The following RIPOR3 variants were observed in gnomAD, a reference collection of about 807,000 sequenced individuals.
RIPOR3 encodes RIPOR family member 3.
A neutral mutation model predicts 114.3 loss-of-function variants in RIPOR3; 95 were observed. That is an observed-to-expected ratio of 0.83 (90% CI 0.70 to 0.99). RIPOR3 has a LOEUF of 0.99. Ranked by LOEUF, RIPOR3 falls within the 50% of genes least tolerant of loss-of-function variation. RIPOR3 has a pLI of 0.00. For missense variants in RIPOR3, 1,252 were observed against 1,266.9 expected, an observed-to-expected ratio of 0.99 and a Z score of 0.18; for synonymous variants, 575 against 543.8, an observed-to-expected ratio of 1.06 and a Z score of -0.80.
At chr20:50,675,925 G>T (rs961814442) in intron 1 of RIPOR3, among the ~76,000 whole-genome samples, 1 of 152,180 alleles carries the variant, frequency 6.6e-6, no homozygotes, top group African/African-American at 2.4e-5. Context: ...GAGCCCTCTG[G>T]CCCCTTAAAT....
chr20:50,665,183 T>C (rs2086141019), intron 1 of RIPOR3, among the ~76,000 whole-genome samples: 1 of 151,288 alleles, frequency 6.6e-6, no homozygotes, highest in African/African-American at 2.4e-5. Flanking sequence ...ACGCCTGTAA[T>C]CCCAGCCTTT....
At chr20:50,667,738 ATTG>A (rs1353943749) in intron 1 of RIPOR3, among the ~76,000 whole-genome samples, 1 of 152,108 alleles carries the variant, frequency 6.6e-6, no homozygotes, top group Non-Finnish European at 1.5e-5. Flanking sequence ...CCTAGAGCAA[ATTG>A]TTTTCTTCTC....
chr20:50,672,005 GAT>G (rs2086525622), intron 1 of RIPOR3, among the ~76,000 whole-genome samples: 1 of 147,732 alleles, frequency 6.8e-6, no homozygotes, highest in Non-Finnish European at 1.5e-5. Context: ...TGGATGGATG[GAT>G]GGATGGATGG....
rs1416386469 is a variant in RIPOR3, at chr20:50,691,148, G to T, written c.-20C>A. The T allele has an allele frequency of 7.8e-7, 1 of 1,289,442 alleles. No individual in the cohort carries two copies. The highest frequency in any genetic ancestry group is 5.5e-5 in the East Asian group (1 of 18,020). 79.9% of individuals were successfully genotyped at this position (1,289,442 alleles called of 1,614,324 possible). ...CACCATCGAGCAGGTCTGGACACTCGAGTGCAGTCCCGCCGCCCTCCTTGC... is the reference window on the plus strand; with the variant it reads ...CACCATCGAGCAGGTCTGGACACTCTAGTGCAGTCCCGCCGCCCTCCTTGC... On this transcript the variant is annotated 5_prime_UTR_variant, in exon 1 of 22. Transcript: ENST00000327979.
intron 1 of RIPOR3, among the ~76,000 whole-genome samples, chr20:50,648,815 C>T (rs7266048): frequency 0.021 from 3,169 of 152,226 alleles, 116 homozygotes; most frequent in African/African-American, 0.073. Context: ...AACGCCTCCA[C>T]TGATCAGACA....
At chr20:50,652,206 G>T (rs2085635660) in intron 1 of RIPOR3, among the ~76,000 whole-genome samples, 4 of 152,188 alleles carry the variant, frequency 2.6e-5, no homozygotes. Flanking sequence ...CAGTCTCCCA[G>T]TTCTGTCCCT....
rs1316875888 is a variant in RIPOR3, at chr20:50,609,971, GCCACCCCTA to G, written c.427-258_427-250del. Among the ~76,000 whole-genome samples, 285 of 142,210 alleles carry G rather than the reference GCCACCCCTA, an allele frequency of 2.0e-3. 4 individuals carry two copies. Among genetic ancestry groups the G allele is most frequent in the African/African-American group, 6.5e-3 (241 of 36,908 alleles). 93.3% of individuals were successfully genotyped at this position (142,210 alleles called of 152,430 possible). ...CTCACCTGCCACCACTGCCTCACCT[GCCACCCCTA>G]CCACCCCTGCCTCACCTGCCACCCC... On this transcript the variant is annotated intron_variant, in intron 6 of 21. Transcript: ENST00000327979.
chr20:50,640,983 C>T (rs1239077702), intron 1 of RIPOR3, among the ~76,000 whole-genome samples: 6 of 150,168 alleles, frequency 4.0e-5, no homozygotes, highest in African/African-American at 1.2e-4. Context: ...AATCTCGGCT[C>T]ACCGCAACAT....
At chr20:50,686,340 G>C (rs761439165) in intron 1 of RIPOR3, among the ~76,000 whole-genome samples, 73 of 152,106 alleles carry the variant, frequency 4.8e-4, no homozygotes, top group Non-Finnish European at 9.0e-4. Flanking sequence ...ACAGGTGTGA[G>C]CCACTGCGCC....
intron 11 of RIPOR3, among the ~76,000 whole-genome samples, chr20:50,607,733 G>A (rs1338686163): frequency 6.6e-6 from 1 of 152,126 alleles, no homozygotes; most frequent in Admixed American, 6.6e-5. Flanking sequence ...CAGCAGCTTT[G>A]TGACCCCCAG....
chr20:50,596,314 C>A (rs1601456426), intron 14 of RIPOR3, 51 bp from the exon 15 acceptor site: 1 of 1,609,188 alleles, frequency 6.2e-7, no homozygotes, highest in Non-Finnish European at 8.5e-7. Flanking sequence ...GTTCAGCTCC[C>A]TCTGAGGGTG....
chr20:50,596,354 G>T, intron 14 of RIPOR3, 91 bp from the exon 15 acceptor site: 1 of 1,564,694 alleles, frequency 6.4e-7, no homozygotes. Flanking sequence ...GCGAGCCCCA[G>T]GTCAGGAGGC....
At position 50,630,830 on chromosome 20, in the gene RIPOR3, C is replaced by T; in HGVS notation, c.30G>A (p.Arg10=). The change falls in exon 2 of 22, where the codon CGG becomes CGA. Residue 10 remains arginine, a synonymous_variant. Coordinates refer to ENST00000327979, the MANE Select transcript of RIPOR3 (RefSeq NM_001290268.2). Reference sequence around the variant, plus strand: ...CCCCTGTGTCCCCAGGGGACAGGAACCGCAACCTCACCGACATGGTGGTCA... The same window carrying T: ...CCCCTGTGTCCCCAGGGGACAGGAATCGCAACCTCACCGACATGGTGGTCA... MVTTMSVRL[R]FLSPGDTGAV... 1 of 1,608,170 alleles carries T rather than the reference C, an allele frequency of 6.2e-7. No individual in the cohort carries two copies. Among genetic ancestry groups the T allele is most frequent in the Non-Finnish European group, 8.5e-7 (1 of 1,177,804 alleles).
intron 3 of RIPOR3, among the ~76,000 whole-genome samples, chr20:50,618,971 G>C (rs1462885400): frequency 6.6e-6 from 1 of 152,154 alleles, no homozygotes; most frequent in Admixed American, 6.5e-5. Flanking sequence ...AGCACTCTGG[G>C]AGGCCGAGAT....
At chr20:50,636,141 T>G (rs2084977271) in intron 1 of RIPOR3, among the ~76,000 whole-genome samples, 1 of 152,126 alleles carries the variant, frequency 6.6e-6, no homozygotes, top group Non-Finnish European at 1.5e-5. Context: ...CAAGCAGTGT[T>G]TCTTGTGGTA....
chr20:50,597,318 A>C, intron 14 of RIPOR3: 1 of 478,776 alleles, frequency 2.1e-6, no homozygotes, highest in South Asian at 2.9e-5. Flanking sequence ...TTAAAAAATA[A>C]TACTAAAAGC....
At chr20:50,684,935 C>A (rs1226536679) in intron 1 of RIPOR3, among the ~76,000 whole-genome samples, 1 of 152,144 alleles carries the variant, frequency 6.6e-6, no homozygotes, top group African/African-American at 2.4e-5. Flanking sequence ...GCAACCACAC[C>A]CAGCTAATTT....
chr20:50,607,914 C>T (rs894202533), intron 11 of RIPOR3, among the ~76,000 whole-genome samples: 1 of 152,200 alleles, frequency 6.6e-6, no homozygotes, highest in Non-Finnish European at 1.5e-5. Context: ...CTCTGGAGCC[C>T]TCCACGCTCA....
rs1393024476 is a variant in RIPOR3, at chr20:50,622,052, T to C, written c.123-1920A>G. On this transcript the variant is annotated intron_variant, in intron 2 of 21. Transcript: ENST00000327979. Reference sequence around the variant, plus strand: ...TGCAGCCTTTGCTCACCAACAGATGTGTTGAATTCTGCTCTTAGCCCTCTA... The same window carrying C: ...TGCAGCCTTTGCTCACCAACAGATGCGTTGAATTCTGCTCTTAGCCCTCTA... Among the ~76,000 whole-genome samples, 6 of 152,186 alleles carry C rather than the reference T, an allele frequency of 3.9e-5. No individual in the cohort carries two copies. The East Asian group carries it at 1.2e-3, about 29-fold the overall frequency.
Sources: gnomAD v4.1 joint callset for allele counts (sites outside exome capture counted in the v4.1 genomes callset) on GRCh38, gnomAD v4.1.1 for gene constraint, MANE v1.5 for transcripts, NCBI Gene and HGNC (gene_info 2026-07-23, HGNC 2026-07-21) for gene names.